The following MBNL3 variants were observed in gnomAD, a reference collection of about 807,000 sequenced individuals.
The protein encoded by MBNL3 is muscleblind-like protein 3.
A neutral mutation model predicts 24.5 loss-of-function variants in MBNL3; 6 were observed. That is an observed-to-expected ratio of 0.25 (90% CI 0.13 to 0.48). The LOEUF (loss-of-function observed/expected upper bound fraction) is 0.48, where lower values mean the gene tolerates loss of function less well. Ranked by LOEUF, MBNL3 falls within the 20% of genes least tolerant of loss-of-function variation. The pLI is 0.99. For missense variants in MBNL3, 230 were observed against 293.5 expected (o/e 0.78, Z 1.58); for synonymous variants, 100 against 101.7 (o/e 0.98, Z 0.10).
chrX:132,488,094 T>A (rs1325067875), intron 1 of MBNL3, among the ~76,000 whole-genome samples: 1 of 112,088 alleles, frequency 8.9e-6, no homozygotes. Context: ...GCTGTGGGGA[T>A]CCCAGCTCAA....
chrX:132,480,918 G>C (rs775002773), intron 1 of MBNL3, among the ~76,000 whole-genome samples: 3 of 111,335 alleles, frequency 2.7e-5, no homozygotes, highest in Non-Finnish European at 3.8e-5. Context: ...GATTGTAAAA[G>C]CACTGCCTTC....
At chrX:132,488,734 C>T in intron 1 of MBNL3, 117 bp downstream of exon 1, 1 of 113,904 alleles carries the variant, frequency 8.8e-6, no homozygotes. Flanking sequence ...AACAAAGTTG[C>T]AGGATGACTT....
intron 1 of MBNL3, among the ~76,000 whole-genome samples, chrX:132,458,823 T>A (rs1946500183): frequency 9.1e-6 from 1 of 109,304 alleles, no homozygotes; most frequent in Non-Finnish European, 1.9e-5. Context: ...CTCTTCCCAC[T>A]ATCACTTGAG....
chrX:132,464,758 TG>T (rs761486806), intron 1 of MBNL3, among the ~76,000 whole-genome samples: 3 of 111,949 alleles, frequency 2.7e-5, no homozygotes, highest in African/African-American at 9.7e-5. Context: ...AAAAACCATC[TG>T]GCCGGTGCGG....
intron 1 of MBNL3, among the ~76,000 whole-genome samples, 167 bp downstream of exon 1, chrX:132,488,684 G>A (rs755656862): frequency 1.8e-5 from 2 of 112,739 alleles, no homozygotes; most frequent in East Asian, 2.8e-4. Context: ...AAAGGAGGAG[G>A]AGGAAAGGAG....
At chrX:132,454,141 T>C (rs1241430357) in intron 1 of MBNL3, among the ~76,000 whole-genome samples, 3 of 111,077 alleles carry the variant, frequency 2.7e-5, no homozygotes, top group East Asian at 2.8e-4. Context: ...AAAGTACATA[T>C]TGAATTGAAT....
rs778648325 is a variant in MBNL3, at chrX:132,412,383, C to T, written c.178-5991G>A. Among the ~76,000 whole-genome samples, 7 of 111,937 alleles carry T rather than the reference C, an allele frequency of 6.3e-5. No individual in the cohort carries two copies. In the Admixed American group the frequency reaches 6.6e-4, roughly 11 times the overall value. ...AAAACTGCGTTCTCCAACTGCCCCA[C>T]CCCCCATCCTGAATTTCTCTGAACA... On this transcript the variant is annotated intron_variant, in intron 2 of 8. Transcript: ENST00000370853.
chrX:132,459,838 T>C (rs750184219), intron 1 of MBNL3, among the ~76,000 whole-genome samples: 12 of 112,080 alleles, frequency 1.1e-4, no homozygotes, highest in Non-Finnish European at 1.7e-4. Context: ...GATGTGCAAA[T>C]GCTTGGTGTG....
At chrX:132,467,687 A>G (rs753472074) in intron 1 of MBNL3, among the ~76,000 whole-genome samples, 1 of 111,852 alleles carries the variant, frequency 8.9e-6, no homozygotes, top group Non-Finnish European at 1.9e-5. Context: ...TAAACCCCAG[A>G]CTAAGTCGCA....
chrX:132,487,071 C>T (rs1244807738), intron 1 of MBNL3, among the ~76,000 whole-genome samples: 1 of 111,660 alleles, frequency 9.0e-6, no homozygotes, highest in South Asian at 3.7e-4. Context: ...TGTTAACTGG[C>T]AAAATTTCCT....
chrX:132,485,615 T>C (rs1236146446), intron 1 of MBNL3, among the ~76,000 whole-genome samples: 1 of 112,210 alleles, frequency 8.9e-6, no homozygotes, highest in Non-Finnish European at 1.9e-5. Context: ...CATGGAACCA[T>C]CTGGTATCCT....
chrX:132,422,937 T>G (rs938085324), intron 2 of MBNL3, among the ~76,000 whole-genome samples: 1 of 111,905 alleles, frequency 8.9e-6, no homozygotes, highest in African/African-American at 3.3e-5. Flanking sequence ...GTTGCTAGTC[T>G]GCCACATTTT....
intron 2 of MBNL3, among the ~76,000 whole-genome samples, chrX:132,428,159 G>A (rs762915963): frequency 2.7e-5 from 3 of 111,377 alleles, no homozygotes; most frequent in Non-Finnish European, 3.8e-5. Context: ...GTTTCTAACA[G>A]ATAGATTCTA....
chrX:132,425,354 C>T (rs1183356919), intron 2 of MBNL3, among the ~76,000 whole-genome samples: 1 of 111,992 alleles, frequency 8.9e-6, no homozygotes, highest in Non-Finnish European at 1.9e-5. Flanking sequence ...GAGATCCTTT[C>T]TTAAACTTCG....
At chrX:132,465,815 T>C (rs963127430) in intron 1 of MBNL3, among the ~76,000 whole-genome samples, 3 of 111,969 alleles carry the variant, frequency 2.7e-5, no homozygotes, top group Non-Finnish European at 3.8e-5. Context: ...CATATTTCTT[T>C]GAAAAAAGAG....
chrX:132,438,932 C>T (rs942802443), intron 2 of MBNL3, among the ~76,000 whole-genome samples: 2 of 108,820 alleles, frequency 1.8e-5, no homozygotes, highest in Non-Finnish European at 3.8e-5. Context: ...CATAATTTTC[C>T]TTCTGGAACC....
chrX:132,399,705 T>TG (rs1940517371), intron 3 of MBNL3, among the ~76,000 whole-genome samples: 1 of 109,404 alleles, frequency 9.1e-6, no homozygotes, highest in African/African-American at 3.3e-5. Flanking sequence ...TAGAAATGCT[T>TG]GGGGGTACCA....
Position 132,370,025 on chromosome X carries a change from G to C in MBNL3, c.*9641C>G, listed in dbSNP as rs770100619. On this transcript the variant is annotated 3_prime_UTR_variant, in exon 9 of 9. Coordinates refer to ENST00000370853, the MANE Select transcript of MBNL3 (RefSeq NM_001386889.1). Reference sequence around the variant, plus strand: ...GTCCCTCTCACAAAGCTATTTCCTGGTGGCTGCCCTTTGTATCCAAAATCC... The same window carrying C: ...GTCCCTCTCACAAAGCTATTTCCTGCTGGCTGCCCTTTGTATCCAAAATCC... 8.9e-6 allele frequency: 1 copy of C among 111,875 alleles called. No individual in the cohort carries two copies. The highest frequency in any genetic ancestry group is 2.8e-4 in the East Asian group (1 of 3,557). 9.2% of individuals were successfully genotyped at this position (111,875 alleles called of 1,213,427 possible).
intron 2 of MBNL3, among the ~76,000 whole-genome samples, chrX:132,428,960 A>G (rs926560436): frequency 8.9e-6 from 1 of 112,457 alleles, no homozygotes; most frequent in African/African-American, 3.2e-5. Flanking sequence ...GAGTTGAAAT[A>G]TAATAGTTTT....
Sources: allele counts gnomAD v4.1 joint callset (sites outside exome capture counted in the v4.1 genomes callset), GRCh38; gene constraint gnomAD v4.1.1; transcripts MANE v1.5; gene names NCBI Gene and HGNC (gene_info 2026-07-23, HGNC 2026-07-21).